GATAD2A: variants seen among roughly 807,000 people sequenced by gnomAD.
GATAD2A encodes transcriptional repressor p66-alpha.
In GATAD2A, 12 loss-of-function variants were observed where a neutral mutation model predicts 68.5. That is an observed-to-expected ratio of 0.18 (90% CI 0.11 to 0.28). The LOEUF (loss-of-function observed/expected upper bound fraction) is 0.28. GATAD2A is among the 10% of genes least tolerant of loss of function. GATAD2A has a pLI of 1.00. For missense variants in GATAD2A, 755 were observed against 868.5 expected (o/e 0.87, Z 1.64); for synonymous variants, 410 against 375.3 (o/e 1.09, Z -1.07).
intron 1 of GATAD2A, among the ~76,000 whole-genome samples, chr19:19,407,866 TCTTCA>T (rs1294087697): frequency 6.6e-6 from 1 of 152,268 alleles, no homozygotes; most frequent in Non-Finnish European, 1.5e-5. Flanking sequence ...GTATCCTCTG[TCTTCA>T]CTTATTCCCT....
At chr19:19,416,824 T>G (rs1568715461) in intron 1 of GATAD2A, among the ~76,000 whole-genome samples, 1 of 151,888 alleles carries the variant, frequency 6.6e-6, no homozygotes. Context: ...GTGCAATGGC[T>G]CTATCTTGGC....
intron 1 of GATAD2A, among the ~76,000 whole-genome samples, chr19:19,393,099 G>A (rs1156443505): frequency 6.6e-6 from 1 of 152,054 alleles, no homozygotes; most frequent in East Asian, 1.9e-4. Flanking sequence ...GAGATCAGGA[G>A]TTTGAGACCA....
intron 8 of GATAD2A, among the ~76,000 whole-genome samples, chr19:19,500,227 C>T (rs1449951077): frequency 6.6e-6 from 1 of 152,212 alleles, no homozygotes; most frequent in Non-Finnish European, 1.5e-5. Context: ...GCCGCTCACG[C>T]TGGCCATGGG....
intron 1 of GATAD2A, among the ~76,000 whole-genome samples, chr19:19,459,938 C>T (rs1006292893): frequency 2.0e-5 from 3 of 152,216 alleles, no homozygotes; most frequent in East Asian, 1.9e-4. Flanking sequence ...CTGCTGTTTC[C>T]GGTGTGGCTT....
At chr19:19,432,598 G>A (rs751963435) in intron 1 of GATAD2A, among the ~76,000 whole-genome samples, 51 of 152,284 alleles carry the variant, frequency 3.3e-4, no homozygotes, top group Non-Finnish European at 6.5e-4. Flanking sequence ...TACCGTGTTC[G>A]GCTGACAGTC....
chr19:19,484,532 CTTTTTTTTTTTTTT>C (rs897099165), intron 2 of GATAD2A, among the ~76,000 whole-genome samples: 2 of 86,958 alleles, frequency 2.3e-5, no homozygotes, highest in African/African-American at 9.9e-5. Flanking sequence ...TTTTTTTTTT[CTTTTTTTTTTTTTT>C]TTTTGAGACG....
chr19:19,490,281 T>TGAGTCCAGCATCTGGC (rs1299900870), intron 2 of GATAD2A, among the ~76,000 whole-genome samples: 1 of 152,182 alleles, frequency 6.6e-6, no homozygotes, highest in Non-Finnish European at 1.5e-5. Context: ...AAGCGGTTCC[T>TGAGTCCAGCATCTGGC]GAGTCCAGCA....
intron 1 of GATAD2A, among the ~76,000 whole-genome samples, chr19:19,463,699 G>C (rs1442356664): frequency 6.6e-6 from 1 of 152,192 alleles, no homozygotes; most frequent in African/African-American, 2.4e-5. Context: ...CATGGCACCT[G>C]GGTGGTGGTG....
chr19:19,469,964 G>A lies in GATAD2A; in HGVS notation c.269+4350G>A, dbSNP rs533402895. Among the ~76,000 whole-genome samples, 10 of 150,746 alleles carry A rather than the reference G, an allele frequency of 6.6e-5. No homozygotes were observed. In the East Asian group the frequency reaches 1.9e-3, roughly 29 times the overall value. The stretch of plus-strand genomic sequence containing the variant: ...CTGTCTCAGAAAAAAAAAAAAAGAA[G>A]CAAGATTCAGCTTAATTATATGTTG... On this transcript the variant is annotated intron_variant, in intron 2 of 11. Coordinates refer to ENST00000683918, the MANE Select transcript of GATAD2A (RefSeq NM_001384528.1).
At chr19:19,457,836 G>C (rs1328120495) in intron 1 of GATAD2A, among the ~76,000 whole-genome samples, 1 of 152,034 alleles carries the variant, frequency 6.6e-6, no homozygotes, top group Non-Finnish European at 1.5e-5. Context: ...CCTGAGTTCA[G>C]ACCTAGCCTG....
intron 2 of GATAD2A, among the ~76,000 whole-genome samples, chr19:19,484,877 A>G (rs1007336738): frequency 6.6e-6 from 1 of 152,128 alleles, no homozygotes; most frequent in Non-Finnish European, 1.5e-5. Flanking sequence ...GCAGGTAGAG[A>G]GACTGGATGA....
chr19:19,430,003 C>T (rs1361119705), intron 1 of GATAD2A, among the ~76,000 whole-genome samples: 1 of 152,066 alleles, frequency 6.6e-6, no homozygotes, highest in Non-Finnish European at 1.5e-5. Context: ...GTGGCTAGGG[C>T]TACCTCTGTC....
At position 19,482,679 on chromosome 19, in the gene GATAD2A, G is replaced by A. The variant is rs1350842319; in HGVS notation, c.270-9627G>A. ...AGGATTATGTGGAAGGGTGAATTTT[G>A]GTGGTTGGCCTAGGAATGGCCATCA... On this transcript the variant is annotated intron_variant, in intron 2 of 11. Transcript: ENST00000683918. Among the ~76,000 whole-genome samples the A allele has an allele frequency of 4.6e-5, 7 of 152,194 alleles. No homozygotes were observed. The East Asian group carries it at 1.3e-3, about 29-fold the overall frequency.
At chr19:19,499,879 C>T (rs1473823661) in intron 8 of GATAD2A, among the ~76,000 whole-genome samples, 1 of 152,202 alleles carries the variant, frequency 6.6e-6, no homozygotes, top group Non-Finnish European at 1.5e-5. Context: ...CAGGAGGGAC[C>T]TGGGGGAGCT....
chr19:19,425,553 C>G (rs1321475900), intron 1 of GATAD2A, among the ~76,000 whole-genome samples: 1 of 152,226 alleles, frequency 6.6e-6, no homozygotes, highest in African/African-American at 2.4e-5. Context: ...AATTAGCATG[C>G]TTTGCACATT....
At chr19:19,453,507 C>A (rs1174900261) in intron 1 of GATAD2A, among the ~76,000 whole-genome samples, 1 of 151,992 alleles carries the variant, frequency 6.6e-6, no homozygotes, top group Non-Finnish European at 1.5e-5. Context: ...GTCCGCTGTG[C>A]CCCCCACATA....
chr19:19,505,365 G>C lies in GATAD2A; in HGVS notation c.1796G>C (p.Ser599Thr). Residue 599 changes from serine (S) to threonine (T), a missense_variant, in exon 12 of 12, where the codon AGC becomes ACC. Physicochemically the swap from Ser to Thr is moderately conservative, Grantham distance 58 (BLOSUM62 1). Transcript: ENST00000683918. ...GCAGGCGGGACCCTTGCGTTTGTCA[G>C]CCCAAGCCTGGCGGTGCACAAGAGC... The part of the protein sequence containing the change: ...LSTGGTLAFV[S>T]PSLAVHKSSS... 6.2e-7 allele frequency: 1 copy of C among 1,613,310 alleles called. No individual in the cohort carries two copies. Among genetic ancestry groups the C allele is most frequent in the Non-Finnish European group, 8.5e-7 (1 of 1,179,758 alleles).
intron 1 of GATAD2A, among the ~76,000 whole-genome samples, chr19:19,446,288 G>A (rs903060146): frequency 6.6e-6 from 1 of 152,144 alleles, no homozygotes; most frequent in Non-Finnish European, 1.5e-5. Context: ...ATGACACTGA[G>A]ACAGAGTCTT....
chr19:19,390,666 T>C lies in GATAD2A; in HGVS notation c.-7+4528T>C, dbSNP rs150874328. ...TACTCTAATTAGACCACAGGCAAGA[T>C]AGAAGATTATAATGGACTTGAAGAA... is the stretch of plus-strand genomic sequence containing the variant. On this transcript the variant is annotated intron_variant, in intron 1 of 11. Coordinates refer to the GATAD2A transcript ENST00000360315. Among the ~76,000 whole-genome samples, 41 of 152,218 alleles carry C rather than the reference T, an allele frequency of 2.7e-4. No homozygotes were observed. In the East Asian group the frequency reaches 2.9e-3, roughly 11 times the overall value.
Sources: gnomAD v4.1 joint callset for allele counts (sites outside exome capture counted in the v4.1 genomes callset) on GRCh38, gnomAD v4.1.1 for gene constraint, MANE v1.5 for transcripts, NCBI Gene and HGNC (gene_info 2026-07-23, HGNC 2026-07-21) for gene names.